UROC1: variants seen among roughly 807,000 people sequenced by gnomAD.
UROC1 encodes the protein urocanate hydratase.
UROC1 carries 79 observed loss-of-function variants against 89.5 expected under a neutral mutation model. The ratio of observed to expected loss-of-function variants is 0.88; its 90% confidence interval spans 0.74 to 1.06. The LOEUF (loss-of-function observed/expected upper bound fraction) is 1.06, where lower values mean the gene tolerates loss of function less well. Ranked by LOEUF, UROC1 falls within the 50% of genes least tolerant of loss-of-function variation. The pLI is 0.00. For missense variants in UROC1, 885 were observed against 907.8 expected, an observed-to-expected ratio of 0.97 and a Z score of 0.32; for synonymous variants, 361 against 354.8, an observed-to-expected ratio of 1.02 and a Z score of -0.20.
chr3:126,503,913 G>A, intron 9 of UROC1, 82 bp downstream of exon 9: 1 of 1,517,384 alleles, frequency 6.6e-7, no homozygotes, highest in Non-Finnish European at 9.1e-7. Flanking sequence ...CCCACACCAA[G>A]CTGCCCCATG....
At chr3:126,495,656 C>T (rs1016403270) in intron 15 of UROC1, among the ~76,000 whole-genome samples, 1 of 152,180 alleles carries the variant, frequency 6.6e-6, no homozygotes, top group African/African-American at 2.4e-5. Context: ...ATTTTTTGGG[C>T]TACACATCCA....
intron 12 of UROC1, 113 bp from the exon 13 acceptor site, chr3:126,499,522 T>C (rs1455590454): frequency 9.4e-7 from 1 of 1,067,822 alleles, no homozygotes; most frequent in Admixed American, 2.0e-5. Flanking sequence ...CACAAGGTCT[T>C]TTTCATGTAA....
At chr3:126,503,194 G>A (rs931654248) in intron 9 of UROC1, among the ~76,000 whole-genome samples, 1 of 152,208 alleles carries the variant, frequency 6.6e-6, no homozygotes, top group African/African-American at 2.4e-5. Flanking sequence ...GTGCAATGTG[G>A]TTGGATTGGT....
At chr3:126,483,608 TGGA>T in intron 18 of UROC1, 140 bp from the exon 19 acceptor site, 1 of 774,292 alleles carries the variant, frequency 1.3e-6, no homozygotes, top group Non-Finnish European at 2.2e-6. Context: ...TGCAACCTGG[TGGA>T]TGCAGGAGTC....
At chr3:126,505,553 TG>T in intron 8 of UROC1, 147 bp downstream of exon 8, 1 of 1,285,814 alleles carries the variant, frequency 7.8e-7, no homozygotes, top group Non-Finnish European at 1.1e-6. Flanking sequence ...TGAGGTCCAG[TG>T]GGGCTTCGTG....
Position 126,499,396 on chromosome 3 carries a change from C to T in UROC1, c.1257G>A (p.Glu419=), listed in dbSNP as rs1364211894. Residue 419 remains glutamate (E), a synonymous_variant, in exon 13 of 20, where the codon GAG becomes GAA. Coordinates refer to ENST00000290868, the MANE Select transcript of UROC1 (RefSeq NM_144639.3). ...LEAQRAGADV[E]KKGAGRTEFR... ...ACTCTGTCCTGCCAGCACCTTTCTT[C>T]TCCACATCCGCTCCTGTGGGCAGAG... The T allele has an allele frequency of 6.2e-7, 1 of 1,612,840 alleles. No homozygotes were observed. The highest frequency in any genetic ancestry group is 2.2e-5 in the East Asian group (1 of 44,824).
At chr3:126,503,954 T>C (rs1160001213) in intron 9 of UROC1, 41 bp downstream of exon 9, 1 of 1,610,074 alleles carries the variant, frequency 6.2e-7, no homozygotes, top group South Asian at 1.1e-5. Flanking sequence ...TGCTGCCACG[T>C]GTCAGGTGTC....
chr3:126,507,940 G>A (rs769609680), intron 5 of UROC1, 27 bp downstream of exon 5: 4 of 1,613,756 alleles, frequency 2.5e-6, no homozygotes, highest in Non-Finnish European at 2.5e-6. Flanking sequence ...CCCTGGGCAG[G>A]TGCTGTGCCA....
At chr3:126,486,965 G>A (rs533502227) in intron 18 of UROC1, among the ~76,000 whole-genome samples, 20 of 152,238 alleles carry the variant, frequency 1.3e-4, no homozygotes, top group Non-Finnish European at 2.5e-4. Context: ...GGGCAGCAGG[G>A]TAAAAGGTTT....
At position 126,482,443 on chromosome 3, in the gene UROC1, T is replaced by C; in HGVS notation, c.1933A>G (p.Ile645Val). The change falls in exon 20 of 20, where the codon ATC (isoleucine) becomes GTC (valine). Residue 645 changes from isoleucine (I) to valine (V), a missense_variant. Ile to Val is a conservative substitution (Grantham distance 29). Transcript: ENST00000290868. Reference sequence around the variant, plus strand: ...TTCTCCTGCATGGTCTGGCAGATGATCTCATAGGCCTTCTGGTTCCCTGAC... The same window carrying C: ...TTCTCCTGCATGGTCTGGCAGATGACCTCATAGGCCTTCTGGTTCCCTGAC... ...CWSGNQKAYEIICQTMQENST... is the reference protein window; with the variant it reads ...CWSGNQKAYEVICQTMQENST... 6.2e-7 allele frequency: 1 copy of C among 1,613,964 alleles called. No individual in the cohort carries two copies. The highest frequency in any genetic ancestry group is 8.5e-7 in the Non-Finnish European group (1 of 1,179,990).
chr3:126,507,627 C>A, intron 6 of UROC1, 115 bp downstream of exon 6: 1 of 1,098,208 alleles, frequency 9.1e-7, no homozygotes, highest in Non-Finnish European at 1.4e-6. Context: ...ATTAATTATG[C>A]TACAGTTCTG....
At chr3:126,496,341 G>A (rs893270641) in intron 14 of UROC1, among the ~76,000 whole-genome samples, 5 of 151,562 alleles carry the variant, frequency 3.3e-5, no homozygotes, top group Middle Eastern at 3.4e-3. Flanking sequence ...TGATGCACTC[G>A]GTCCCTCCAC....
At chr3:126,503,104 G>T (rs1161462777) in intron 9 of UROC1, among the ~76,000 whole-genome samples, 1 of 152,160 alleles carries the variant, frequency 6.6e-6, no homozygotes, top group Non-Finnish European at 1.5e-5. Context: ...GAGTTAGGTC[G>T]GGGAAGCCCC....
At chr3:126,502,166 A>G (rs1352527543) in intron 9 of UROC1, among the ~76,000 whole-genome samples, 1 of 151,862 alleles carries the variant, frequency 6.6e-6, no homozygotes, top group Non-Finnish European at 1.5e-5. Context: ...GTGAGAATAT[A>G]TGTTATGGGC....
At position 126,488,966 on chromosome 3, in the gene UROC1, A is replaced by T. The variant is rs182910576; in HGVS notation, c.1708+310T>A. Among the ~76,000 whole-genome samples, 206 of 152,304 alleles carry T rather than the reference A, an allele frequency of 1.4e-3. 2 individuals carry two copies. The highest frequency in any genetic ancestry group is 2.9e-4 in the Non-Finnish European group (20 of 68,016). ...TGGTGCTCAGCTATGAAGATGGGGA[A>T]GAGACCAGGAGCCAAAAAAGGCAAG... On this transcript the variant is annotated intron_variant, in intron 17 of 19. Transcript: ENST00000290868.
intron 15 of UROC1, among the ~76,000 whole-genome samples, chr3:126,492,815 G>C (rs1216954983): frequency 6.6e-6 from 1 of 152,182 alleles, no homozygotes; most frequent in African/African-American, 2.4e-5. Flanking sequence ...TGGAGCCCCT[G>C]AGCCATCTGT....
At chr3:126,495,929 G>C in intron 15 of UROC1, 109 bp downstream of exon 15, 1 of 1,108,358 alleles carries the variant, frequency 9.0e-7, no homozygotes. Context: ...TCAGGGCTTG[G>C]CAAGCTGGAG....
intron 15 of UROC1, among the ~76,000 whole-genome samples, chr3:126,493,671 G>A (rs911977252): frequency 2.6e-5 from 4 of 152,216 alleles, no homozygotes; most frequent in African/African-American, 9.7e-5. Context: ...TGGCTGCACA[G>A]CAGTATGAAT....
intron 8 of UROC1, among the ~76,000 whole-genome samples, chr3:126,505,419 T>C (rs113663906): frequency 0.077 from 11,684 of 152,146 alleles, 517 homozygotes; most frequent in Non-Finnish European, 0.1. Context: ...GCTATACCCA[T>C]AAATAGACGG....
Sources: gnomAD v4.1 joint callset for allele counts (sites outside exome capture counted in the v4.1 genomes callset) on GRCh38, gnomAD v4.1.1 for gene constraint, MANE v1.5 for transcripts, NCBI Gene and HGNC (gene_info 2026-07-23, HGNC 2026-07-21) for gene names.